Variants in ATG10 observed in about 807,000 individuals in gnomAD.
ATG10 encodes ubiquitin-like-conjugating enzyme ATG10.
Under a neutral mutation model 32.1 loss-of-function variants are expected in ATG10, and 30 were observed. The ratio of observed to expected loss-of-function variants is 0.94; its 90% CI spans 0.70 to 1.27. The LOEUF (loss-of-function observed/expected upper bound fraction) is 1.27, where lower values mean the gene tolerates loss of function less well. Ranked by LOEUF, ATG10 falls within the 50% of genes most tolerant of loss-of-function variation. The pLI is 0.00. For synonymous variants in ATG10, 87 were observed against 91.5 expected, an observed-to-expected ratio of 0.95 and a Z score of 0.28; for missense variants, 233 against 262.3, an observed-to-expected ratio of 0.89 and a Z score of 0.77.
intron 2 of ATG10, among the ~76,000 whole-genome samples, chr5:82,050,790 C>T (rs902905499): frequency 7.4e-6 from 1 of 134,716 alleles, no homozygotes; most frequent in Admixed American, 8.5e-5. Flanking sequence ...TTGTTTGAGG[C>T]CAGGAGTTTG....
intron 2 of ATG10, among the ~76,000 whole-genome samples, chr5:82,005,334 G>A (rs997498258): frequency 1.1e-4 from 16 of 151,856 alleles, no homozygotes; most frequent in Middle Eastern, 3.4e-3. Context: ...TCACTCTTTC[G>A]CCGAGGCTGG....
At chr5:81,983,936 A>C (rs866650203) in intron 1 of ATG10, among the ~76,000 whole-genome samples, 60 of 147,318 alleles carry the variant, frequency 4.1e-4, no homozygotes, top group African/African-American at 1.4e-3. Context: ...CTCACTTCCT[A>C]GATGGGATGG....
intron 3 of ATG10, among the ~76,000 whole-genome samples, chr5:82,111,853 A>G (rs1765631518): frequency 6.6e-6 from 1 of 151,982 alleles, no homozygotes; most frequent in Non-Finnish European, 1.5e-5. Context: ...GACAAATTAC[A>G]ATAGGTAAAA....
At chr5:82,158,020 A>G (rs534496856) in intron 3 of ATG10, among the ~76,000 whole-genome samples, 1 of 152,326 alleles carries the variant, frequency 6.6e-6, no homozygotes, top group South Asian at 2.1e-4. Context: ...TATGGATCTC[A>G]TTTCCAAGGC....
chr5:82,154,351 C>T (rs1015601240), intron 3 of ATG10, among the ~76,000 whole-genome samples: 2 of 152,246 alleles, frequency 1.3e-5, no homozygotes, highest in East Asian at 3.9e-4. Context: ...AATGTTTGGA[C>T]ACCTTTGATC....
intron 3 of ATG10, among the ~76,000 whole-genome samples, chr5:82,110,797 T>G (rs567248336): frequency 1.4e-4 from 22 of 152,222 alleles, no homozygotes; most frequent in African/African-American, 2.9e-4. Flanking sequence ...AGAAGCTCTT[T>G]AGTTTAATTA....
rs1305408712 is a variant in ATG10 at position 82,046,395 on chromosome 5, G to A, written c.109-12100G>A. On this transcript the variant is annotated intron_variant, in intron 2 of 7. Transcript: ENST00000282185. Reference sequence around the variant, plus strand: ...CACAGAGACCCAGACACACAGGGGAGAAGGCTGTGTAAAGACAGAAGCAGA... The same window carrying A: ...CACAGAGACCCAGACACACAGGGGAAAAGGCTGTGTAAAGACAGAAGCAGA... 2.6e-5 allele frequency among the ~76,000 whole-genome samples: 4 copies of A among 152,330 alleles called. 1 individual carries two copies. Among genetic ancestry groups the A allele is most frequent in the South Asian group, 4.1e-4 (2 of 4,820 alleles).
intron 5 of ATG10, among the ~76,000 whole-genome samples, chr5:82,201,262 A>AT (rs1461540560): frequency 1.3e-5 from 2 of 152,098 alleles, no homozygotes; most frequent in African/African-American, 4.8e-5. Context: ...GGTCACAAAC[A>AT]TTTTTTCCTA....
intron 3 of ATG10, among the ~76,000 whole-genome samples, chr5:82,116,680 ACAT>A (rs1350370534): frequency 6.6e-6 from 1 of 152,098 alleles, no homozygotes; most frequent in East Asian, 1.9e-4. Flanking sequence ...AACAAAACAA[ACAT>A]CATCTGGCTA....
intron 3 of ATG10, among the ~76,000 whole-genome samples, chr5:82,163,457 ATATTGATAAAG>A (rs1241213217): frequency 6.6e-6 from 1 of 152,188 alleles, no homozygotes; most frequent in Non-Finnish European, 1.5e-5. Flanking sequence ...ACCTTATTTC[ATATTGATAAAG>A]TATGAAATCT....
At chr5:82,188,976 G>A (rs1178303745) in intron 5 of ATG10, among the ~76,000 whole-genome samples, 1 of 152,078 alleles carries the variant, frequency 6.6e-6, no homozygotes, top group Non-Finnish European at 1.5e-5. Flanking sequence ...TTTGCAGCCT[G>A]TATTTTTTAG....
chr5:82,163,354 G>T (rs777577957), intron 3 of ATG10, among the ~76,000 whole-genome samples: 39 of 152,162 alleles, frequency 2.6e-4, no homozygotes, highest in Admixed American at 5.2e-4. Context: ...TATCTCCCCA[G>T]TGAACTGACT....
At chr5:82,148,160 G>A (rs1767443174) in intron 3 of ATG10, 1 of 152,176 alleles carries the variant, frequency 6.6e-6, no homozygotes, top group African/African-American at 2.4e-5. Flanking sequence ...TAATGACAGA[G>A]TTGAGTAGTA....
intron 5 of ATG10, among the ~76,000 whole-genome samples, chr5:82,222,591 A>G (rs1745972807): frequency 6.6e-6 from 1 of 152,268 alleles, no homozygotes; most frequent in Admixed American, 6.5e-5. Context: ...TCAAATAACA[A>G]ATGATGTTAT....
At chr5:82,189,744 C>T (rs980898698) in intron 5 of ATG10, among the ~76,000 whole-genome samples, 1 of 152,146 alleles carries the variant, frequency 6.6e-6, no homozygotes, top group African/African-American at 2.4e-5. Flanking sequence ...CTGCCTCAGC[C>T]TCTCAGGTAG....
intron 2 of ATG10, among the ~76,000 whole-genome samples, chr5:82,015,779 C>T (rs1325070093): frequency 6.6e-6 from 1 of 152,210 alleles, no homozygotes; most frequent in Non-Finnish European, 1.5e-5. Flanking sequence ...CGAACTTCCT[C>T]CTTTAGCTCA....
intron 1 of ATG10, among the ~76,000 whole-genome samples, chr5:81,983,634 G>A (rs1379811235): frequency 7.1e-6 from 1 of 141,778 alleles, no homozygotes; most frequent in Non-Finnish European, 1.5e-5. Context: ...CTGGCCGGGC[G>A]GGGGGGCTGA....
At chr5:82,099,228 A>G (rs1031110672) in intron 3 of ATG10, among the ~76,000 whole-genome samples, 4 of 152,176 alleles carry the variant, frequency 2.6e-5, no homozygotes, top group African/African-American at 9.6e-5. Flanking sequence ...GTTTGTCCCT[A>G]TTTCATGGTA....
chr5:82,172,455 A>C (rs1743844696), intron 4 of ATG10, among the ~76,000 whole-genome samples: 1 of 152,130 alleles, frequency 6.6e-6, no homozygotes, highest in Non-Finnish European at 1.5e-5. Flanking sequence ...GAGGATCCTG[A>C]GCTTATATTG....
Sources: gnomAD v4.1 joint callset for allele counts (sites outside exome capture counted in the v4.1 genomes callset) on GRCh38, gnomAD v4.1.1 for gene constraint, MANE v1.5 for transcripts, NCBI Gene and HGNC (gene_info 2026-07-23, HGNC 2026-07-21) for gene names.